Variants in LYST observed in about 807,000 individuals in gnomAD.
LYST encodes the protein lysosomal trafficking regulator, also known as lysosomal-trafficking regulator.
Under a neutral mutation model 413.6 loss-of-function variants are expected in LYST, and 192 were observed. The observed-to-expected ratio is 0.46, with a 90% CI of 0.41 to 0.52. The LOEUF is 0.52. Among genes scored for constraint, LYST ranks in the 20% least tolerant of loss-of-function variants. The pLI is 0.00. For missense variants in LYST, 3,815 were observed against 4,499.9 expected (o/e 0.85, Z 4.35); for synonymous variants, 1,525 against 1,567.3 (o/e 0.97, Z 0.64).
rs1673217334 is a variant in LYST, at chr1:235,809,472, A to G, written c.1346T>C (p.Val449Ala). The G allele has an allele frequency of 6.2e-7, 1 of 1,614,010 alleles. No individual in the cohort carries two copies. The highest frequency in any genetic ancestry group is 8.5e-7 in the Non-Finnish European group (1 of 1,179,952). Residue 449 changes from valine (V) to alanine (A), a missense_variant, in exon 5 of 53, where the codon GTT becomes GCT. This residue lies in a region of LYST where 1,648 missense variants were observed against 1,810.3 expected (regional missense o/e 0.91). Coordinates refer to ENST00000389793, the MANE Select transcript of LYST (RefSeq NM_000081.4). This position sits in a 1 kb window ranked among gnomAD's most constrained non-coding sequence, Gnocchi z 4.0. ...HHGFNLFETA[V>A]LQMEWLVLRD... is the part of the protein sequence containing the mutation. ...TAAAACCAGCCATTCCATTTGAAGAACTGCTGTTTCAAATAAATTAAATCC... is the reference window on the plus strand; with the variant it reads ...TAAAACCAGCCATTCCATTTGAAGAGCTGCTGTTTCAAATAAATTAAATCC...
At chr1:235,765,920 C>T (rs1668098987) in intron 21 of LYST, among the ~76,000 whole-genome samples, 159 bp downstream of exon 21, 1 of 151,980 alleles carries the variant, frequency 6.6e-6, no homozygotes, top group Admixed American at 6.6e-5. Context: ...GGACAGAGGC[C>T]ATGTCTAGTT....
At chr1:235,673,561 G>A (rs769221909) in intron 50 of LYST, among the ~76,000 whole-genome samples, 14 of 151,892 alleles carry the variant, frequency 9.2e-5, no homozygotes, top group African/African-American at 2.9e-4. Context: ...AGGAGTCACC[G>A]CCCCCCACAA....
chr1:235,663,512 T>C (rs1459672649), intron 52 of LYST, among the ~76,000 whole-genome samples: 1 of 152,218 alleles, frequency 6.6e-6, no homozygotes, highest in African/African-American at 2.4e-5. Flanking sequence ...ACATTAGTAA[T>C]TAATTTAGGT....
At chr1:235,852,659 G>A (rs563022245) in intron 1 of LYST, among the ~76,000 whole-genome samples, 1 of 152,270 alleles carries the variant, frequency 6.6e-6, no homozygotes, top group South Asian at 2.1e-4. Context: ...TAATACTGAG[G>A]TAAGTGACAA....
At chr1:235,765,110 C>T (rs1468968941) in intron 21 of LYST, among the ~76,000 whole-genome samples, 2 of 152,198 alleles carry the variant, frequency 1.3e-5, no homozygotes, top group South Asian at 2.1e-4. Context: ...CTCCTTATAA[C>T]CTACCCTTCC....
At chr1:235,700,073 A>C (rs1661421562) in intron 45 of LYST, among the ~76,000 whole-genome samples, 1 of 152,222 alleles carries the variant, frequency 6.6e-6, no homozygotes, top group Non-Finnish European at 1.5e-5. Flanking sequence ...CTTACACCTT[A>C]TACAAAAATT....
At chr1:235,879,214 C>A (rs1681266278) in intron 1 of LYST, among the ~76,000 whole-genome samples, 1 of 152,190 alleles carries the variant, frequency 6.6e-6, no homozygotes, top group Non-Finnish European at 1.5e-5. Context: ...GTATCCTACC[C>A]ACTTGTGGCT....
At chr1:235,680,171 C>T (rs866146923) in intron 48 of LYST, among the ~76,000 whole-genome samples, 5 of 152,082 alleles carry the variant, frequency 3.3e-5, no homozygotes, top group African/African-American at 9.7e-5. Flanking sequence ...CACTCTTCAT[C>T]GTTTCAGGGG....
chr1:235,821,248 G>A (rs935703962), intron 3 of LYST, among the ~76,000 whole-genome samples: 1 of 152,138 alleles, frequency 6.6e-6, no homozygotes, highest in African/African-American at 2.4e-5. Flanking sequence ...AACAGTCTGG[G>A]CAACACGGTG....
chr1:235,672,958 C>T (rs1295526121), intron 50 of LYST, among the ~76,000 whole-genome samples: 3 of 152,140 alleles, frequency 2.0e-5, no homozygotes, highest in Non-Finnish European at 4.4e-5. Context: ...CAAACTCCAC[C>T]CCTCAAACTC....
intron 31 of LYST, chr1:235,735,296 C>T (rs1212250609): frequency 6.6e-6 from 1 of 152,058 alleles, no homozygotes; most frequent in Admixed American, 6.6e-5. Context: ...GGAACTAAAA[C>T]CTATCTTTAG....
At position 235,734,624 on chromosome 1, in the gene LYST, C is replaced by G; in HGVS notation, c.8394G>C (p.Leu2798Phe). The G allele has an allele frequency of 6.2e-7, 1 of 1,611,530 alleles. No individual in the cohort carries two copies. Among genetic ancestry groups the G allele is most frequent in the Non-Finnish European group, 8.5e-7 (1 of 1,178,346 alleles). Residue 2798 changes from leucine to phenylalanine, a missense_variant, in exon 32 of 53, where the codon TTG becomes TTC. Physicochemically the swap from Leu to Phe is conservative, Grantham distance 22. Coordinates refer to ENST00000389793, the MANE Select transcript of LYST (RefSeq NM_000081.4). ...GAKLVLYLSE[L>F]IHNHQGELTE... is the part of the protein sequence containing the mutation. Reference sequence around the variant, plus strand: ...TCAATTCACCTTGGTGATTATGTATCAACTCTGACAAATACAAAACTAACT... The same window carrying G: ...TCAATTCACCTTGGTGATTATGTATGAACTCTGACAAATACAAAACTAACT...
intron 28 of LYST, among the ~76,000 whole-genome samples, chr1:235,748,094 CATA>C (rs1666102714): frequency 6.6e-6 from 1 of 152,056 alleles, no homozygotes; most frequent in Non-Finnish European, 1.5e-5. Flanking sequence ...GAATATAAAA[CATA>C]ATGCCTGTCT....
At chr1:235,819,887 C>T (rs1477432644) in intron 3 of LYST, among the ~76,000 whole-genome samples, 1 of 152,156 alleles carries the variant, frequency 6.6e-6, no homozygotes, top group African/African-American at 2.4e-5. Context: ...ACCTCGTGAT[C>T]CGCCAGCCTC....
In LYST at chr1:235,663,973, G is replaced by A. The variant is rs768326732; in HGVS notation, c.11267+11C>T. On this transcript the variant is annotated intron_variant, in intron 52 of 52. Transcript: ENST00000389793. ...TGTATTCTGAAGCATAAGAGGGGGA[G>A]AAGATCTTACCTGATGATGGGCTTA... 8.8e-6 allele frequency: 14 copies of A among 1,591,998 alleles called. No homozygotes were observed. Among genetic ancestry groups the A allele is most frequent in the Non-Finnish European group, 1.1e-5 (13 of 1,159,852 alleles).
intron 27 of LYST, among the ~76,000 whole-genome samples, chr1:235,751,795 A>G (rs1036379316): frequency 2.0e-5 from 3 of 152,182 alleles, no homozygotes; most frequent in Non-Finnish European, 4.4e-5. Context: ...ATGTATTGCC[A>G]ACTACTAACT....
At chr1:235,742,817 AC>A (rs1256657872) in intron 30 of LYST, among the ~76,000 whole-genome samples, 1 of 152,170 alleles carries the variant, frequency 6.6e-6, no homozygotes, top group East Asian at 1.9e-4. Context: ...ATATAGCAGT[AC>A]CCCCTTACCT....
At chr1:235,734,683 T>C in intron 31 of LYST, 24 bp from the exon 32 acceptor site, 2 of 1,521,698 alleles carry the variant, frequency 1.3e-6, no homozygotes, top group South Asian at 1.2e-5. Flanking sequence ...AATAATTTTT[T>C]AGTCATTTAG....
chr1:235,697,279 T>C lies in LYST; in HGVS notation c.10375-7A>G. The C allele has an allele frequency of 6.2e-7, 1 of 1,609,270 alleles. No homozygotes were observed. The highest frequency in any genetic ancestry group is 8.5e-7 in the Non-Finnish European group (1 of 1,176,326). ...TTATCCATGACAAAGGACTCTAAAA[T>C]GAAGAAAAATAAAAAGTATGGCTTT... On this transcript the variant is annotated splice_polypyrimidine_tract_variant and splice_region_variant and intron_variant, in intron 45 of 52. Coordinates refer to ENST00000389793, the MANE Select transcript of LYST (RefSeq NM_000081.4).
Sources: gnomAD v4.1 joint callset for allele counts (sites outside exome capture counted in the v4.1 genomes callset) on GRCh38, gnomAD v4.1.1 for gene constraint, gnomAD v4.1.1 regional missense constraint, Gnocchi (gnomAD v3.1) non-coding constraint, MANE v1.5 for transcripts, NCBI Gene and HGNC (gene_info 2026-07-23, HGNC 2026-07-21) for gene names.